The following ADGRL2 variants were observed in gnomAD, a reference collection of about 807,000 sequenced individuals.
ADGRL2 encodes the protein adhesion G protein-coupled receptor L2.
ADGRL2 carries 44 observed loss-of-function variants against 157.4 expected under a neutral mutation model. The ratio of observed to expected loss-of-function variants is 0.28; its 90% CI spans 0.22 to 0.36. The LOEUF is 0.36. ADGRL2 is among the 10% of genes least tolerant of loss of function. The probability of loss-of-function intolerance (pLI) is 1.00; values close to 1 mark genes in which losing one functional copy is unlikely to be tolerated. For missense variants in ADGRL2, 1,510 were observed against 1,768.9 expected, an observed-to-expected ratio of 0.85 and a Z score of 2.63; for synonymous variants, 585 against 624.7, an observed-to-expected ratio of 0.94 and a Z score of 0.95.
At chr1:81,522,747 G>A (rs900256544) in intron 2 of ADGRL2, among the ~76,000 whole-genome samples, 19 of 152,022 alleles carry the variant, frequency 1.2e-4, no homozygotes, top group Non-Finnish European at 7.4e-5. Flanking sequence ...ATAAAAATCC[G>A]TATTTTATCT....
At chr1:81,652,774 CG>C (rs1434787580) in intron 3 of ADGRL2, among the ~76,000 whole-genome samples, 22 of 152,208 alleles carry the variant, frequency 1.4e-4, no homozygotes, top group Admixed American at 1.4e-3. Context: ...TACAAGCTTC[CG>C]GATGCCCTCT....
intron 2 of ADGRL2, among the ~76,000 whole-genome samples, chr1:81,500,297 T>C (rs992945245): frequency 3.3e-5 from 5 of 152,344 alleles, no homozygotes; most frequent in Non-Finnish European, 5.9e-5. Context: ...ATTCCCGTTC[T>C]CAGCATATAC....
intron 1 of ADGRL2, among the ~76,000 whole-genome samples, chr1:81,410,434 C>CCA (rs2076927995): frequency 1.3e-5 from 2 of 152,212 alleles, no homozygotes; most frequent in Admixed American, 6.5e-5. Context: ...TTCCAATTGT[C>CCA]TTACCTTTCC....
At chr1:81,567,369 C>T (rs371230619) in intron 2 of ADGRL2, among the ~76,000 whole-genome samples, 18 of 152,152 alleles carry the variant, frequency 1.2e-4, no homozygotes, top group African/African-American at 3.6e-4. Flanking sequence ...AAAACATTTC[C>T]GTCATCACAG....
intron 1 of ADGRL2, among the ~76,000 whole-genome samples, chr1:81,832,580 A>T (rs2092022032): frequency 6.6e-6 from 1 of 152,334 alleles, no homozygotes. Flanking sequence ...CCAGTGATGA[A>T]TATTAAGGGG....
At chr1:81,969,782 A>G (rs1288004017) in intron 15 of ADGRL2, among the ~76,000 whole-genome samples, 1 of 152,132 alleles carries the variant, frequency 6.6e-6, no homozygotes, top group Non-Finnish European at 1.5e-5. Context: ...AACAGAACTT[A>G]GTTAGTTAAT....
chr1:81,843,127 T>G (rs12032615), intron 2 of ADGRL2, among the ~76,000 whole-genome samples: 24 of 152,098 alleles, frequency 1.6e-4, no homozygotes, highest in Admixed American at 1.3e-3. Context: ...ATGAATTTTT[T>G]AAAAATTACT....
intron 1 of ADGRL2, among the ~76,000 whole-genome samples, chr1:81,816,796 C>A (rs764163718): frequency 6.6e-6 from 1 of 151,882 alleles, no homozygotes; most frequent in East Asian, 1.9e-4. Flanking sequence ...TTTATGCTTG[C>A]CTACTTTTAT....
At position 81,739,240 on chromosome 1, in the gene ADGRL2, C is replaced by T. The variant is rs79092648; in HGVS notation, c.-142-22571C>T. On this transcript the variant is annotated intron_variant, in intron 1 of 20. Coordinates refer to the ADGRL2 transcript ENST00000359929. ...GGAGTCAAACTGCAGGGTTCTGCCT[C>T]GGCTCCATAACTTGCTCTGTGACCT... Among the ~76,000 whole-genome samples the T allele has an allele frequency of 3.4e-3, 518 of 152,286 alleles. 4 individuals are homozygous for T. Among genetic ancestry groups the T allele is most frequent in the African/African-American group, 0.011 (478 of 41,570 alleles).
At chr1:81,757,804 A>G (rs1364018051) in intron 1 of ADGRL2, among the ~76,000 whole-genome samples, 3 of 152,226 alleles carry the variant, frequency 2.0e-5, no homozygotes, top group Non-Finnish European at 4.4e-5. Context: ...GCTTAGGCAG[A>G]TAGCCAGTCT....
rs3045497 is a variant in ADGRL2, at chr1:81,675,572, G to GT, written c.-142-86224dup. ...TGTCCAGGCATTGGAAAAATAAACT[G>GT]TTTTTTTTTTTTTTTCTTATTTTAT... On this transcript the variant is annotated intron_variant, in intron 3 of 24. Transcript: ENST00000370721. 3.6e-3 allele frequency among the ~76,000 whole-genome samples: 522 copies of GT among 143,424 alleles called. 2 individuals are homozygous for GT. Among genetic ancestry groups the GT allele is most frequent in the East Asian group, 9.3e-3 (44 of 4,756 alleles). The allele number at this position is 143,424 out of a possible 152,430, so 94.1% of individuals were successfully genotyped here.
In ADGRL2 at chr1:81,770,153, CTTTTTTTTTTTTTTTTT is replaced by C. The variant is rs150798264; in HGVS notation, c.-101+8312_-101+8328del. Among the ~76,000 whole-genome samples, 123 of 59,612 alleles carry C rather than the reference CTTTTTTTTTTTTTTTTT, an allele frequency of 2.1e-3. 1 individual carries two copies. The highest frequency in any genetic ancestry group is 8.9e-3 in the African/African-American group (118 of 13,198). 39.1% of individuals were successfully genotyped at this position (59,612 alleles called of 152,430 possible). A position where few individuals can be genotyped will look rare whatever the true frequency, so the allele number is the denominator to read the frequency against. On this transcript the variant is annotated intron_variant, in intron 2 of 20. Transcript: ENST00000359929. ...TACAGGCATGAGCCACTGCACCCAG[CTTTTTTTTTTTTTTTTT>C]TTTTTTTTTTGAGACCGAGTCTCAC... is the stretch of plus-strand genomic sequence containing the variant.
intron 1 of ADGRL2, among the ~76,000 whole-genome samples, chr1:81,828,342 A>G (rs570892479): frequency 6.6e-6 from 1 of 152,346 alleles, no homozygotes; most frequent in East Asian, 1.9e-4. Flanking sequence ...ATGTAGTGGA[A>G]TATAATTGAT....
At chr1:81,490,383 T>G (rs768172721) in intron 2 of ADGRL2, among the ~76,000 whole-genome samples, 1 of 152,136 alleles carries the variant, frequency 6.6e-6, no homozygotes, top group Non-Finnish European at 1.5e-5. Flanking sequence ...CCACCGGCCC[T>G]GGCCTCCCAA....
chr1:81,896,402 C>T lies in ADGRL2; in HGVS notation c.74-10615C>T, dbSNP rs536746483. ...GGAATGATTTTGAACTCTAGCAGGT[C>T]GTCAGTCATTTAAGAGCATATTTTC... On this transcript the variant is annotated intron_variant, in intron 2 of 23. Coordinates refer to ENST00000686636, the MANE Select transcript of ADGRL2 (RefSeq NM_001366006.2). 1.1e-4 allele frequency among the ~76,000 whole-genome samples: 16 copies of T among 152,138 alleles called. No individual in the cohort carries two copies. The South Asian group carries it at 2.3e-3, about 22-fold the overall frequency.
chr1:81,471,411 T>G (rs2078169471), intron 2 of ADGRL2, among the ~76,000 whole-genome samples: 1 of 152,172 alleles, frequency 6.6e-6, no homozygotes, highest in African/African-American at 2.4e-5. Context: ...GCTTTCAATA[T>G]AGTATATCTG....
At chr1:81,313,732 G>A (rs1659915433) in intron 1 of ADGRL2, among the ~76,000 whole-genome samples, 1 of 152,158 alleles carries the variant, frequency 6.6e-6, no homozygotes, top group Non-Finnish European at 1.5e-5. Flanking sequence ...AAGAAAAGAA[G>A]CATCAGGACA....
intron 3 of ADGRL2, among the ~76,000 whole-genome samples, chr1:81,685,013 T>G (rs2148968059): frequency 6.6e-6 from 1 of 152,350 alleles, no homozygotes; most frequent in East Asian, 1.9e-4. Context: ...TTTATACCTG[T>G]ACCATGCTGT....
rs750558783 is a variant in ADGRL2, at chr1:81,951,085, C to T, written c.1572C>T (p.Asn524=). 2.5e-6 allele frequency: 4 copies of T among 1,613,416 alleles called. No individual in the cohort carries two copies. Among genetic ancestry groups the T allele is most frequent in the Non-Finnish European group, 2.5e-6 (3 of 1,179,542 alleles). ...TWNPKGPDLS[N]CTSHWVNQLA... ...ACCCTAAGGGCCCCGATCTTAGCAA[C>T]TGTACCTCACACTGGGTGAATCAGC... Residue 524 remains asparagine (N), a synonymous_variant, in exon 8 of 24, where the codon AAC becomes AAT. Coordinates refer to ENST00000686636, the MANE Select transcript of ADGRL2 (RefSeq NM_001366006.2).
Sources: allele counts gnomAD v4.1 joint callset (sites outside exome capture counted in the v4.1 genomes callset), GRCh38; gene constraint gnomAD v4.1.1; transcripts MANE v1.5; gene names NCBI Gene and HGNC (gene_info 2026-07-23, HGNC 2026-07-21).